Variants in DLG2 observed in about 807,000 individuals in gnomAD.
DLG2 encodes discs large MAGUK scaffold protein 2, also known as disks large homolog 2.
In DLG2, 45 loss-of-function variants were observed where a neutral mutation model predicts 132.5. The observed-to-expected ratio is 0.34, with a 90% CI of 0.27 to 0.44. DLG2 has a LOEUF of 0.44. DLG2 is among the 20% of genes least tolerant of loss of function. The probability of loss-of-function intolerance (pLI) is 1.00; values close to 1 mark genes in which losing one functional copy is unlikely to be tolerated. For synonymous variants in DLG2, 424 were observed against 419.6 expected (o/e 1.01, Z -0.13); for missense variants, 1,045 against 1,196.9 (o/e 0.87, Z 1.87).
At chr11:84,461,969 T>C (rs1414525720) in intron 7 of DLG2, among the ~76,000 whole-genome samples, 1 of 150,792 alleles carries the variant, frequency 6.6e-6, no homozygotes, top group Non-Finnish European at 1.5e-5. Flanking sequence ...TCAGTTCAGA[T>C]GATAGGAAAA....
chr11:84,331,929 C>A (rs572941648), intron 7 of DLG2, among the ~76,000 whole-genome samples: 14 of 152,290 alleles, frequency 9.2e-5, no homozygotes, highest in Non-Finnish European at 1.6e-4. Flanking sequence ...AGCCCAGGAA[C>A]TGACACTGAA....
chr11:84,657,128 T>C (rs1595034141), intron 6 of DLG2, among the ~76,000 whole-genome samples: 1 of 152,266 alleles, frequency 6.6e-6, no homozygotes, highest in Non-Finnish European at 1.5e-5. Context: ...AAACCTGATA[T>C]GACTGTTTTA....
intron 6 of DLG2, among the ~76,000 whole-genome samples, chr11:84,914,945 A>G (rs1011292443): frequency 3.9e-5 from 6 of 152,224 alleles, no homozygotes; most frequent in African/African-American, 1.4e-4. Flanking sequence ...GAGGTATGTA[A>G]GTGGGTAGGC....
intron 11 of DLG2, among the ~76,000 whole-genome samples, chr11:84,013,440 T>C (rs150095825): frequency 2.0e-5 from 3 of 152,306 alleles, no homozygotes; most frequent in African/African-American, 7.2e-5. Flanking sequence ...AGAAGTGCTA[T>C]ATTTATGAAA....
intron 6 of DLG2, among the ~76,000 whole-genome samples, chr11:84,581,942 A>G (rs57368460): frequency 0.011 from 1,636 of 151,564 alleles, 28 homozygotes; most frequent in African/African-American, 0.036. Context: ...GAAAGGAAAG[A>G]AAAAAGGGAA....
intron 7 of DLG2, among the ~76,000 whole-genome samples, chr11:84,448,399 G>A (rs2099041802): frequency 1.3e-5 from 2 of 151,918 alleles, no homozygotes; most frequent in Non-Finnish European, 2.9e-5. Context: ...TAATTAATGA[G>A]TAATACAATA....
intron 6 of DLG2, chr11:84,687,087 T>A (rs1395772331): frequency 1.3e-5 from 2 of 152,136 alleles, no homozygotes; most frequent in Non-Finnish European, 2.9e-5. Context: ...ATGTGCCTTT[T>A]ATTTCAAATA....
At chr11:83,797,432 AG>A (rs1289864917) in intron 17 of DLG2, among the ~76,000 whole-genome samples, 1 of 152,128 alleles carries the variant, frequency 6.6e-6, no homozygotes, top group African/African-American at 2.4e-5. Flanking sequence ...AACTTGTCCG[AG>A]GGTACATTGC....
intron 6 of DLG2, among the ~76,000 whole-genome samples, chr11:84,989,333 G>A (rs557399977): frequency 1.4e-4 from 21 of 152,102 alleles, no homozygotes; most frequent in East Asian, 7.8e-4. Flanking sequence ...CTGCCACCAC[G>A]CCCGGCTAAT....
chr11:84,735,515 G>C (rs2063717894), intron 6 of DLG2, among the ~76,000 whole-genome samples: 1 of 152,092 alleles, frequency 6.6e-6, no homozygotes, highest in South Asian at 2.1e-4. Flanking sequence ...GCATCTATTT[G>C]ATTCTTCTCT....
intron 7 of DLG2, among the ~76,000 whole-genome samples, chr11:84,294,932 A>G (rs1455770906): frequency 6.6e-6 from 1 of 152,220 alleles, no homozygotes; most frequent in Non-Finnish European, 1.5e-5. Flanking sequence ...AAGAAACGTT[A>G]AATAGAACTT....
intron 23 of DLG2, among the ~76,000 whole-genome samples, chr11:83,472,066 A>C (rs1461531004): frequency 1.3e-5 from 2 of 152,178 alleles, no homozygotes; most frequent in African/African-American, 2.4e-5. Context: ...AAAAGAATCC[A>C]AACCAGCTGT....
chr11:84,631,316 C>G (rs1040922335), intron 6 of DLG2, among the ~76,000 whole-genome samples: 1 of 151,908 alleles, frequency 6.6e-6, no homozygotes, highest in Non-Finnish European at 1.5e-5. Flanking sequence ...GAATGAATAA[C>G]TGAGAGAATG....
chr11:83,902,772 A>G (rs1413915784), intron 15 of DLG2, among the ~76,000 whole-genome samples: 4 of 152,124 alleles, frequency 2.6e-5, no homozygotes, highest in African/African-American at 9.7e-5. Context: ...ATATGAAGAG[A>G]TTCAGTTTCC....
Position 85,299,581 on chromosome 11 carries a change from G to A in DLG2, c.41-14216C>T, listed in dbSNP as rs572376803. On this transcript the variant is annotated intron_variant, in intron 3 of 27. Transcript: ENST00000376104. ...ATGACCCTGTGTCATTGGAATATAT[G>A]TTTTATTTCCCTACATGTAAACTTT... Among the ~76,000 whole-genome samples the A allele has an allele frequency of 4.6e-5, 7 of 152,238 alleles. No homozygotes were observed. The East Asian group carries it at 9.7e-4, about 21-fold the overall frequency.
At chr11:84,711,842 C>T (rs1010350115) in intron 6 of DLG2, among the ~76,000 whole-genome samples, 1 of 152,040 alleles carries the variant, frequency 6.6e-6, no homozygotes, top group Middle Eastern at 3.4e-3. Flanking sequence ...AAATGTCTGG[C>T]CAGTCAAGGT....
At chr11:84,561,172 C>T (rs1029570873) in intron 6 of DLG2, among the ~76,000 whole-genome samples, 5 of 152,008 alleles carry the variant, frequency 3.3e-5, no homozygotes, top group Admixed American at 2.0e-4. Flanking sequence ...GATAGATGTG[C>T]TTTACTGAGC....
At chr11:85,226,989 T>C (rs2075017085) in intron 4 of DLG2, among the ~76,000 whole-genome samples, 1 of 152,148 alleles carries the variant, frequency 6.6e-6, no homozygotes, top group Admixed American at 6.6e-5. Flanking sequence ...TTAGACATCT[T>C]GGCTTCTTTC....
intron 3 of DLG2, among the ~76,000 whole-genome samples, chr11:85,434,236 G>T: frequency 6.6e-6 from 1 of 152,068 alleles, no homozygotes; most frequent in South Asian, 2.1e-4. Context: ...ATCTCAAATC[G>T]ACACCCTAAC....
Sources: gnomAD v4.1 joint callset for allele counts (sites outside exome capture counted in the v4.1 genomes callset) on GRCh38, gnomAD v4.1.1 for gene constraint, MANE v1.5 for transcripts, NCBI Gene and HGNC (gene_info 2026-07-23, HGNC 2026-07-21) for gene names.